Variants in PPP3CA observed in about 807,000 individuals in gnomAD.
PPP3CA encodes protein phosphatase 3 catalytic subunit alpha.
Under a neutral mutation model 66.5 loss-of-function variants are expected in PPP3CA, and 14 were observed. The ratio of observed to expected loss-of-function variants is 0.21; its 90% CI spans 0.14 to 0.33. PPP3CA has a LOEUF of 0.33. Among genes scored for constraint, PPP3CA ranks in the 10% least tolerant of loss-of-function variants. The pLI, the probability that PPP3CA is intolerant of heterozygous loss-of-function variation, is 1.00. For synonymous variants in PPP3CA, 232 were observed against 226.2 expected, an observed-to-expected ratio of 1.03 and a Z score of -0.23; for missense variants, 317 against 639.5, an observed-to-expected ratio of 0.50 and a Z score of 5.44.
At chr4:101,143,811 A>G (rs1310324584) in intron 2 of PPP3CA, among the ~76,000 whole-genome samples, 1 of 152,226 alleles carries the variant, frequency 6.6e-6, no homozygotes, top group Admixed American at 6.5e-5. Context: ...CAGAGAAATT[A>G]CAAACAGCTG....
In PPP3CA at chr4:101,026,990, T is replaced by G. The variant is rs542240150; in HGVS notation, c.1370-929A>C. On this transcript the variant is annotated intron_variant, in intron 13 of 13. Transcript: ENST00000394854. ...GAATTCTCAAAGTGGGAATGATATTTGATTTTTTTAAAAAGTAATCTTTGG... is the reference window on the plus strand; with the variant it reads ...GAATTCTCAAAGTGGGAATGATATTGGATTTTTTTAAAAAGTAATCTTTGG... Among the ~76,000 whole-genome samples, 314 of 152,362 alleles carry G rather than the reference T, an allele frequency of 2.1e-3. 16 individuals are homozygous for G. The South Asian group carries it at 0.061, about 30-fold the overall frequency.
intron 2 of PPP3CA, among the ~76,000 whole-genome samples, chr4:101,169,085 G>A (rs1723787345): frequency 6.6e-6 from 1 of 152,088 alleles, no homozygotes; most frequent in South Asian, 2.1e-4. Flanking sequence ...TTTTGCACAA[G>A]GGCAATTAAT....
At chr4:101,295,901 A>G (rs891623067) in intron 1 of PPP3CA, among the ~76,000 whole-genome samples, 1 of 152,248 alleles carries the variant, frequency 6.6e-6, no homozygotes, top group Non-Finnish European at 1.5e-5. Flanking sequence ...TTTTATTCCA[A>G]TGGATCAGAC....
At chr4:101,204,888 C>T (rs1324374180) in intron 1 of PPP3CA, among the ~76,000 whole-genome samples, 1 of 150,266 alleles carries the variant, frequency 6.7e-6, no homozygotes, top group Admixed American at 6.7e-5. Context: ...TTATACAAGT[C>T]TACTCTACAA....
intron 1 of PPP3CA, among the ~76,000 whole-genome samples, chr4:101,279,328 A>T (rs146501254): frequency 4.6e-5 from 7 of 152,300 alleles, no homozygotes; most frequent in African/African-American, 1.7e-4. Flanking sequence ...TTAATTAAGG[A>T]TCTAAGGAAT....
chr4:101,337,263 A>G (rs1729661510), intron 1 of PPP3CA, among the ~76,000 whole-genome samples: 1 of 152,148 alleles, frequency 6.6e-6, no homozygotes, highest in African/African-American at 2.4e-5. Context: ...GACTGGGGTG[A>G]TGAACAACTT....
chr4:101,212,112 T>G (rs1725316067), intron 1 of PPP3CA, among the ~76,000 whole-genome samples: 1 of 152,214 alleles, frequency 6.6e-6, no homozygotes, highest in African/African-American at 2.4e-5. Flanking sequence ...CATTATTCTA[T>G]TTCAGTGAAT....
At chr4:101,174,690 A>G (rs1723998565) in intron 2 of PPP3CA, among the ~76,000 whole-genome samples, 1 of 152,198 alleles carries the variant, frequency 6.6e-6, no homozygotes, top group Non-Finnish European at 1.5e-5. Flanking sequence ...AAGTCTAAGG[A>G]CATGAAGTGT....
intron 2 of PPP3CA, among the ~76,000 whole-genome samples, chr4:101,136,404 G>A (rs1722621978): frequency 6.6e-6 from 1 of 152,082 alleles, no homozygotes; most frequent in Non-Finnish European, 1.5e-5. Flanking sequence ...AGCTGGACAT[G>A]GTGGCATGTG....
At chr4:101,101,811 T>C (rs1380657940) in intron 3 of PPP3CA, among the ~76,000 whole-genome samples, 1 of 152,174 alleles carries the variant, frequency 6.6e-6, no homozygotes, top group Admixed American at 6.5e-5. Context: ...GGAAATGTCA[T>C]TATAATTCTG....
intron 2 of PPP3CA, among the ~76,000 whole-genome samples, chr4:101,154,275 G>A (rs913643509): frequency 5.9e-5 from 9 of 152,122 alleles, no homozygotes; most frequent in African/African-American, 1.9e-4. Flanking sequence ...TCTCCCAAAA[G>A]TCAGGTATTC....
At chr4:101,334,839 C>T (rs951942872) in intron 1 of PPP3CA, among the ~76,000 whole-genome samples, 1 of 152,106 alleles carries the variant, frequency 6.6e-6, no homozygotes, top group Non-Finnish European at 1.5e-5. Flanking sequence ...ATATAACATT[C>T]ACTTCTACGA....
chr4:101,096,874 T>C (rs1730219838), intron 5 of PPP3CA, among the ~76,000 whole-genome samples: 1 of 151,700 alleles, frequency 6.6e-6, no homozygotes, highest in Admixed American at 6.6e-5. Flanking sequence ...TGGCAGCTGA[T>C]AGAATTAACT....
At chr4:101,264,609 G>T (rs993099751) in intron 1 of PPP3CA, among the ~76,000 whole-genome samples, 2 of 152,138 alleles carry the variant, frequency 1.3e-5, no homozygotes, top group African/African-American at 4.8e-5. Flanking sequence ...ATAAAATTCA[G>T]TTTGTTGTGC....
intron 1 of PPP3CA, among the ~76,000 whole-genome samples, chr4:101,206,159 A>T (rs1343308207): frequency 2.6e-5 from 4 of 152,102 alleles, no homozygotes; most frequent in Non-Finnish European, 5.9e-5. Flanking sequence ...ATTTCTAAGA[A>T]CCACTTACTC....
intron 1 of PPP3CA, among the ~76,000 whole-genome samples, chr4:101,266,257 A>C (rs1217417087): frequency 2.0e-5 from 3 of 152,164 alleles, no homozygotes; most frequent in Non-Finnish European, 4.4e-5. Context: ...GTAAATTACT[A>C]ACAGAAGAAA....
At chr4:101,250,539 C>T (rs973928494) in intron 1 of PPP3CA, among the ~76,000 whole-genome samples, 33 of 152,164 alleles carry the variant, frequency 2.2e-4, no homozygotes, top group African/African-American at 7.7e-4. Flanking sequence ...TTGTCTATAA[C>T]TCAGATGACA....
At chr4:101,196,575 C>T (rs1578544393) in intron 1 of PPP3CA, among the ~76,000 whole-genome samples, 1 of 152,092 alleles carries the variant, frequency 6.6e-6, no homozygotes, top group African/African-American at 2.4e-5. Context: ...TAACTAAAGT[C>T]ACATCTGAGA....
intron 1 of PPP3CA, among the ~76,000 whole-genome samples, chr4:101,303,340 C>T (rs552821554): frequency 2.0e-5 from 3 of 152,278 alleles, no homozygotes; most frequent in African/African-American, 7.2e-5. Flanking sequence ...AGGGAAATAT[C>T]CTTATTTTTT....
Sources: allele counts gnomAD v4.1 joint callset (sites outside exome capture counted in the v4.1 genomes callset), GRCh38; gene constraint gnomAD v4.1.1; transcripts MANE v1.5; gene names NCBI Gene and HGNC (gene_info 2026-07-23, HGNC 2026-07-21).